The following EPHA6 variants were observed in gnomAD, a reference collection of about 807,000 sequenced individuals.
EPHA6 encodes the protein ephrin type-A receptor 6.
A neutral mutation model predicts 112.0 loss-of-function variants in EPHA6; 50 were observed. That is an observed-to-expected ratio of 0.45 (90% CI 0.36 to 0.56). EPHA6 has a LOEUF of 0.56. EPHA6 is among the 20% of genes least tolerant of loss of function. EPHA6 has a pLI of 0.00. For missense variants in EPHA6, 1,280 were observed against 1,417.4 expected (o/e 0.90, Z 1.56); for synonymous variants, 529 against 490.7 (o/e 1.08, Z -1.03).
intron 16 of EPHA6, among the ~76,000 whole-genome samples, chr3:97,739,677 T>C (rs1367730344): frequency 6.6e-6 from 1 of 152,096 alleles, no homozygotes; most frequent in African/African-American, 2.4e-5. Flanking sequence ...CATGGGAATA[T>C]TCAGAGCTCT....
At chr3:97,187,735 AAGAAAGAAAG>A (rs1288657629) in intron 3 of EPHA6, among the ~76,000 whole-genome samples, 29 of 148,564 alleles carry the variant, frequency 2.0e-4, no homozygotes, top group Non-Finnish European at 3.3e-4. Flanking sequence ...GAAAGAAAGA[AAGAAAGAAAG>A]AGGAAAGAAA....
At chr3:96,819,907 A>G (rs923678846) in intron 1 of EPHA6, among the ~76,000 whole-genome samples, 1 of 152,126 alleles carries the variant, frequency 6.6e-6, no homozygotes, top group African/African-American at 2.4e-5. Flanking sequence ...TGTAAAAATT[A>G]TATATGGATG....
In EPHA6 at chr3:97,420,233, G is replaced by T. The variant is rs75446353; in HGVS notation, c.1731+14959G>T. Among the ~76,000 whole-genome samples, 4 of 150,966 alleles carry T rather than the reference G, an allele frequency of 2.6e-5. No homozygotes were observed. In the South Asian group the frequency reaches 6.3e-4, roughly 24 times the overall value. ...ACTTCAAGTTATAATAATGTCACTC[G>T]TTCTCTGTGAACCCTTTGATACATC... On this transcript the variant is annotated intron_variant, in intron 6 of 17. Transcript: ENST00000389672.
chr3:97,081,920 T>C (rs1247588636), intron 3 of EPHA6, among the ~76,000 whole-genome samples: 2 of 151,668 alleles, frequency 1.3e-5, no homozygotes, highest in African/African-American at 4.8e-5. Flanking sequence ...TCAACTTGAA[T>C]GCAAATTTTG....
At chr3:96,949,801 A>C (rs2041448856) in intron 2 of EPHA6, among the ~76,000 whole-genome samples, 1 of 152,108 alleles carries the variant, frequency 6.6e-6, no homozygotes, top group Admixed American at 6.6e-5. Flanking sequence ...TCTCTCTAGG[A>C]CATCTCATTT....
intron 3 of EPHA6, among the ~76,000 whole-genome samples, chr3:97,171,644 C>A (rs768039751): frequency 1.3e-5 from 2 of 151,742 alleles, no homozygotes; most frequent in African/African-American, 4.8e-5. Context: ...GTACAATTAC[C>A]AGAATTATAG....
At chr3:97,660,818 C>A (rs897039049) in intron 14 of EPHA6, among the ~76,000 whole-genome samples, 1 of 152,036 alleles carries the variant, frequency 6.6e-6, no homozygotes, top group Non-Finnish European at 1.5e-5. Flanking sequence ...ATTAAATTAA[C>A]CATAGGCCTA....
intron 7 of EPHA6, among the ~76,000 whole-genome samples, chr3:97,462,546 T>G (rs1870310): frequency 3.3e-5 from 5 of 151,950 alleles, no homozygotes; most frequent in African/African-American, 1.2e-4. Context: ...AAAATAATAG[T>G]CATCTCATGA....
chr3:97,176,199 T>G lies in EPHA6; in HGVS notation c.1115-50065T>G, dbSNP rs2076830822. Among the ~76,000 whole-genome samples the G allele has an allele frequency of 2.6e-5, 4 of 152,082 alleles. No individual in the cohort carries two copies. The South Asian group carries it at 8.3e-4, about 31-fold the overall frequency. On this transcript the variant is annotated intron_variant, in intron 3 of 17. Transcript: ENST00000389672. ...CATTCTGCTGATATGATGTGTCATG[T>G]TGATTTATTTGCATATATTGAACCA...
At chr3:96,849,729 G>A (rs1307264123) in intron 1 of EPHA6, among the ~76,000 whole-genome samples, 3 of 152,086 alleles carry the variant, frequency 2.0e-5, no homozygotes, top group Admixed American at 6.6e-5. Context: ...AAATTTAAAT[G>A]GTCCTGCCTC....
At chr3:97,131,429 A>G (rs2075617315) in intron 3 of EPHA6, among the ~76,000 whole-genome samples, 1 of 152,150 alleles carries the variant, frequency 6.6e-6, no homozygotes, top group Admixed American at 6.5e-5. Context: ...AAATTGAACT[A>G]TAGCAGTAAC....
intron 3 of EPHA6, among the ~76,000 whole-genome samples, chr3:97,118,319 A>C (rs1418882972): frequency 6.6e-6 from 1 of 151,538 alleles, no homozygotes; most frequent in African/African-American, 2.4e-5. Flanking sequence ...TCTCTGGTTC[A>C]GTTTTGGAGA....
rs546761028 is a variant in EPHA6, at chr3:97,064,329, A to G, written c.1114+76336A>G. 1.6e-4 allele frequency among the ~76,000 whole-genome samples: 24 copies of G among 152,284 alleles called. 2 individuals are homozygous for G. Among genetic ancestry groups the G allele is most frequent in the Admixed American group, 1.6e-3 (24 of 15,288 alleles). ...CAATGATTACACGTGTGCTCCTGTC[A>G]GATTTTCAGAGAGGCTCACCCTCAC... On this transcript the variant is annotated intron_variant, in intron 3 of 17. Transcript: ENST00000389672.
intron 3 of EPHA6, among the ~76,000 whole-genome samples, chr3:97,053,063 G>T (rs1358270863): frequency 2.6e-5 from 4 of 152,062 alleles, no homozygotes; most frequent in Non-Finnish European, 5.9e-5. Context: ...TGACTGACTG[G>T]AAGTGTTAAA....
intron 2 of EPHA6, among the ~76,000 whole-genome samples, chr3:96,974,717 A>C (rs2042453466): frequency 6.6e-6 from 1 of 152,124 alleles, no homozygotes; most frequent in Non-Finnish European, 1.5e-5. Context: ...TCAAGGAATG[A>C]CTATATGAGG....
chr3:97,555,381 A>T (rs1478555404), intron 11 of EPHA6, among the ~76,000 whole-genome samples: 1 of 152,072 alleles, frequency 6.6e-6, no homozygotes, highest in Non-Finnish European at 1.5e-5. Flanking sequence ...ATAGTGCCGC[A>T]ATAAACATAC....
intron 2 of EPHA6, among the ~76,000 whole-genome samples, chr3:96,983,957 A>G (rs554116708): frequency 3.3e-5 from 5 of 152,104 alleles, no homozygotes; most frequent in Non-Finnish European, 5.9e-5. Context: ...CATTCATTTC[A>G]TCTGTTTTCA....
At chr3:97,342,724 T>C (rs143998084) in intron 5 of EPHA6, among the ~76,000 whole-genome samples, 45 of 152,284 alleles carry the variant, frequency 3.0e-4, no homozygotes, top group African/African-American at 9.9e-4. Context: ...TCTCTCTCTG[T>C]GTCCCTTTGT....
intron 3 of EPHA6, among the ~76,000 whole-genome samples, chr3:97,014,028 G>A (rs953405783): frequency 2.0e-5 from 3 of 151,864 alleles, no homozygotes; most frequent in Non-Finnish European, 2.9e-5. Context: ...ATGCTGAATG[G>A]TGAATATTTT....
Sources: gnomAD v4.1 joint callset for allele counts (sites outside exome capture counted in the v4.1 genomes callset) on GRCh38, gnomAD v4.1.1 for gene constraint, MANE v1.5 for transcripts, NCBI Gene and HGNC (gene_info 2026-07-23, HGNC 2026-07-21) for gene names.